WWP2: variants seen among roughly 807,000 people sequenced by gnomAD.
WWP2 encodes NEDD4-like E3 ubiquitin-protein ligase WWP2.
Under a neutral mutation model 121.0 loss-of-function variants are expected in WWP2, and 57 were observed. That is an observed-to-expected ratio of 0.47 (90% CI 0.38 to 0.59). The LOEUF is 0.59. Ranked by LOEUF, WWP2 falls within the 20% of genes least tolerant of loss-of-function variation. The pLI is 0.00. For synonymous variants in WWP2, 449 were observed against 441.3 expected (o/e 1.02, Z -0.22); for missense variants, 962 against 1,158.9 (o/e 0.83, Z 2.47).
intron 2 of WWP2, among the ~76,000 whole-genome samples, chr16:69,789,416 G>A (rs2055861439): frequency 6.6e-6 from 1 of 152,150 alleles, no homozygotes; most frequent in Non-Finnish European, 1.5e-5. Context: ...ATTTAGTAGA[G>A]ATGGGGTTTC....
intron 2 of WWP2, among the ~76,000 whole-genome samples, chr16:69,793,862 T>A (rs1378783354): frequency 6.6e-6 from 1 of 151,760 alleles, no homozygotes; most frequent in African/African-American, 2.4e-5. Flanking sequence ...GGCTGTTGAT[T>A]AGTTTTACAA....
intron 4 of WWP2, among the ~76,000 whole-genome samples, chr16:69,826,182 G>T (rs1259608552): frequency 6.6e-6 from 1 of 150,798 alleles, no homozygotes; most frequent in Non-Finnish European, 1.5e-5. Context: ...CAGGAGAATC[G>T]CTTGGACTGA....
At chr16:69,781,658 G>A (rs1036822189) in intron 1 of WWP2, among the ~76,000 whole-genome samples, 1 of 151,996 alleles carries the variant, frequency 6.6e-6, no homozygotes, top group Non-Finnish European at 1.5e-5. Flanking sequence ...TGAGTTAGAC[G>A]GTGTCTTAGT....
At chr16:69,939,797 C>T (rs768814060) in intron 23 of WWP2, 44 bp from the exon 24 acceptor site, 2 of 1,575,880 alleles carry the variant, frequency 1.3e-6, no homozygotes, top group East Asian at 4.5e-5. Flanking sequence ...TATCAGAGCC[C>T]TGGCCTCCTA....
At chr16:69,896,687 C>G (rs1225133048) in intron 8 of WWP2, among the ~76,000 whole-genome samples, 4 of 151,656 alleles carry the variant, frequency 2.6e-5, no homozygotes, top group Admixed American at 1.3e-4. Context: ...AAACACCCCC[C>G]CAGAGCTGAC....
rs76126453 is a variant in WWP2, at chr16:69,872,720, T to G, written c.703+789T>G. Among the ~76,000 whole-genome samples the G allele has an allele frequency of 1.7e-3, 258 of 152,318 alleles. 5 individuals carry two copies. In the East Asian group the frequency reaches 0.038, roughly 23 times the overall value. ...GACTGGGGCAGAGCCAGGTAACTAC[T>G]TGGGGGTGTGCAGGGGCCATCCCGA... On this transcript the variant is annotated intron_variant, in intron 7 of 23. Coordinates refer to ENST00000359154, the MANE Select transcript of WWP2 (RefSeq NM_001270454.2).
At chr16:69,821,907 T>C (rs1243983832) in intron 4 of WWP2, among the ~76,000 whole-genome samples, 1 of 152,024 alleles carries the variant, frequency 6.6e-6, no homozygotes, top group African/African-American at 2.4e-5. Flanking sequence ...GGTCTTACTC[T>C]GTCACCCTGG....
At chr16:69,837,866 T>G (rs1006221208) in intron 4 of WWP2, among the ~76,000 whole-genome samples, 1 of 152,090 alleles carries the variant, frequency 6.6e-6, no homozygotes, top group African/African-American at 2.4e-5. Flanking sequence ...CTTGGAAGAT[T>G]CTGTGGTCAC....
intron 2 of WWP2, 129 bp from the exon 3 acceptor site, chr16:69,798,553 T>C: frequency 8.8e-7 from 1 of 1,138,866 alleles, no homozygotes. Context: ...GTTTTTAGAA[T>C]CAAGACAAAA....
At chr16:69,871,691 G>A in intron 6 of WWP2, 113 bp from the exon 7 acceptor site, 1 of 1,479,248 alleles carries the variant, frequency 6.8e-7, no homozygotes, top group Non-Finnish European at 9.2e-7. Flanking sequence ...GGCTATTAAA[G>A]GTCTTGTTTC....
Position 69,924,401 on chromosome 16 carries a change from A to C in WWP2, c.1180-1029A>C, listed in dbSNP as rs1412284482. 2.0e-5 allele frequency among the ~76,000 whole-genome samples: 3 copies of C among 152,352 alleles called. No individual in the cohort carries two copies. In the East Asian group the frequency reaches 5.8e-4, roughly 29 times the overall value. ...ACTTGATCCCCTCTTATAACGATTA[A>C]ATTTTAGTAAGTAAAATAAAAATGC... On this transcript the variant is annotated intron_variant, in intron 10 of 23. Transcript: ENST00000359154.
At position 69,925,400 on chromosome 16, in the gene WWP2, T is replaced by C. The variant is rs1246277661; in HGVS notation, c.1180-30T>C. The C allele has an allele frequency of 1.9e-6, 3 of 1,608,746 alleles. No individual in the cohort carries two copies. Among genetic ancestry groups the C allele is most frequent in the African/African-American group, 2.7e-5 (2 of 74,472 alleles). On this transcript the variant is annotated intron_variant, in intron 10 of 23. Coordinates refer to ENST00000359154, the MANE Select transcript of WWP2 (RefSeq NM_001270454.2). The surrounding 1 kb of genome is among the most constrained non-coding windows in gnomAD (Gnocchi z 4.0). Reference sequence around the variant, plus strand: ...TTTTCACCAGTGGCTTTTTGTAACCTCTGTGTTCTGCTGTGTTTCTTGTGT... The same window carrying C: ...TTTTCACCAGTGGCTTTTTGTAACCCCTGTGTTCTGCTGTGTTTCTTGTGT...
At chr16:69,764,098 T>A (rs2038676101) in intron 1 of WWP2, among the ~76,000 whole-genome samples, 1 of 152,194 alleles carries the variant, frequency 6.6e-6, no homozygotes, top group African/African-American at 2.4e-5. Context: ...CTTAATGAAG[T>A]CCTTACTTTA....
At chr16:69,933,052 G>A (rs2085179685) in intron 16 of WWP2, 3 of 489,730 alleles carry the variant, frequency 6.1e-6, no homozygotes, top group South Asian at 4.5e-5. Context: ...GCTCTGCTTG[G>A]TGGGCTTCTG....
intron 6 of WWP2, among the ~76,000 whole-genome samples, chr16:69,860,018 G>T (rs2057387728): frequency 6.6e-6 from 1 of 151,926 alleles, no homozygotes; most frequent in African/African-American, 2.4e-5. Flanking sequence ...TGTCATTTTA[G>T]AAATTCTCCC....
intron 1 of WWP2, among the ~76,000 whole-genome samples, chr16:69,783,686 T>C (rs2055714145): frequency 6.6e-6 from 1 of 152,032 alleles, no homozygotes; most frequent in African/African-American, 2.4e-5. Context: ...TGGCTCATGC[T>C]TGTAGTCCCA....
intron 10 of WWP2, among the ~76,000 whole-genome samples, chr16:69,922,077 C>CAAA (rs530518146): frequency 1.0e-5 from 1 of 96,562 alleles, no homozygotes; most frequent in Non-Finnish European, 2.3e-5. Context: ...GACTCCATCT[C>CAAA]AAAAAAAAAA....
chr16:69,799,700 GTGTGTGCATGCC>G lies in WWP2; in HGVS notation c.340+416_340+427del, dbSNP rs373680614. 3.9e-4 allele frequency among the ~76,000 whole-genome samples: 59 copies of G among 152,300 alleles called. No individual in the cohort carries two copies. The highest frequency in any genetic ancestry group is 1.4e-3 in the African/African-American group (57 of 41,576). ...GAGCTGTGTGTATACGTATATGTGT[GTGTGTGCATGCC>G]TGTGTGCATGTGTGCACGTGTGTGT... On this transcript the variant is annotated intron_variant, in intron 4 of 23. Transcript: ENST00000359154. The surrounding 1 kb of genome is among the most constrained non-coding windows in gnomAD (Gnocchi z 4.5).
chr16:69,777,323 C>T lies in WWP2; in HGVS notation c.-15-9673C>T, dbSNP rs138573051. Among the ~76,000 whole-genome samples, 53 of 150,970 alleles carry T rather than the reference C, an allele frequency of 3.5e-4. No homozygotes were observed. The East Asian group carries it at 7.8e-3, about 22-fold the overall frequency. On this transcript the variant is annotated intron_variant, in intron 1 of 23. Transcript: ENST00000359154. ...TTTTATATTTTCTTTTTTTTTGAAA[C>T]GGAGTCTCATTCTGTCACCCAGGCT...
Sources: gnomAD v4.1 joint callset for allele counts (sites outside exome capture counted in the v4.1 genomes callset) on GRCh38, gnomAD v4.1.1 for gene constraint, Gnocchi (gnomAD v3.1) non-coding constraint, MANE v1.5 for transcripts, NCBI Gene and HGNC (gene_info 2026-07-23, HGNC 2026-07-21) for gene names.